HPS5: variants seen among roughly 807,000 people sequenced by gnomAD.
HPS5 encodes BLOC-2 complex member HPS5.
Under a neutral mutation model 128.0 loss-of-function variants are expected in HPS5, and 83 were observed. That is an observed-to-expected ratio of 0.65 (90% CI 0.54 to 0.78). The LOEUF is 0.78. Ranked by LOEUF, HPS5 falls within the 30% of genes least tolerant of loss-of-function variation. The pLI, the probability that HPS5 is intolerant of heterozygous loss-of-function variation, is 0.00. For synonymous variants in HPS5, 475 were observed against 470.2 expected (o/e 1.01, Z -0.13); for missense variants, 1,281 against 1,326.2 (o/e 0.97, Z 0.53).
At chr11:18,310,406 T>A (rs1397946634) in intron 5 of HPS5, among the ~76,000 whole-genome samples, 1 of 152,230 alleles carries the variant, frequency 6.6e-6, no homozygotes, top group African/African-American at 2.4e-5. Context: ...TTTGTCACTT[T>A]ATTCACACCA....
At position 18,285,382 on chromosome 11, in the gene HPS5, G is replaced by C. The variant is rs984969686; in HGVS notation, c.2915C>G (p.Thr972Ser). The C allele has an allele frequency of 1.2e-6, 2 of 1,613,042 alleles. No individual in the cohort carries two copies. The highest frequency in any genetic ancestry group is 1.7e-4 in the Middle Eastern group (1 of 6,056). ...GCAGATGTCTGTCATTTTCTCTTTG[G>C]TTATAAAATCTGCAGGAAGTTTAAT... ...HLIKLPADFI[T>S]KEKMTDICRS... Residue 972 changes from threonine to serine, a missense_variant, in exon 20 of 23, where the codon ACC (threonine) becomes AGC (serine). By Grantham distance (58) the Thr-to-Ser change is moderately conservative (BLOSUM62 1). Coordinates refer to ENST00000349215, the MANE Select transcript of HPS5 (RefSeq NM_181507.2).
At chr11:18,290,211 T>C (rs1285667661) in intron 16 of HPS5, among the ~76,000 whole-genome samples, 2 of 152,226 alleles carry the variant, frequency 1.3e-5, no homozygotes, top group African/African-American at 2.4e-5. Flanking sequence ...CTTGGAATGC[T>C]AGAATGCTGA....
intron 10 of HPS5, among the ~76,000 whole-genome samples, chr11:18,297,993 T>C (rs540469416): frequency 6.7e-6 from 1 of 150,312 alleles, no homozygotes; most frequent in Admixed American, 6.6e-5. Flanking sequence ...GGCAGGAGAA[T>C]CATTTGAACC....
chr11:18,295,006 G>C lies in HPS5; in HGVS notation c.1784+14C>G. On this transcript the variant is annotated intron_variant, in intron 14 of 22. Coordinates refer to ENST00000349215, the MANE Select transcript of HPS5 (RefSeq NM_181507.2). ...TTCCCTAGAATGTATAGAGATTTAT[G>C]TGTAAGGGCTTACTCAGTGTCTTCC... The C allele has an allele frequency of 1.2e-6, 2 of 1,613,756 alleles. No homozygotes were observed. Among genetic ancestry groups the C allele is most frequent in the Non-Finnish European group, 8.5e-7 (1 of 1,179,712 alleles).
chr11:18,313,437 T>C (rs1050833145), intron 2 of HPS5, among the ~76,000 whole-genome samples: 3 of 152,324 alleles, frequency 2.0e-5, no homozygotes, highest in Non-Finnish European at 4.4e-5. Flanking sequence ...ATCAATAGTT[T>C]TTGTTATTTT....
intron 2 of HPS5, chr11:18,314,666 T>C (rs1863407335): frequency 6.6e-6 from 1 of 152,190 alleles, no homozygotes. Context: ...ACTGTCTGCT[T>C]ATATTATTTT....
At position 18,295,756 on chromosome 11, in the gene HPS5, T is replaced by A. The variant is rs548829477; in HGVS notation, c.1634+243A>T. On this transcript the variant is annotated intron_variant, in intron 13 of 22. Coordinates refer to ENST00000349215, the MANE Select transcript of HPS5 (RefSeq NM_181507.2). ...GGAAACTATTACCATCAGAGATTTT[T>A]AATTTTTGATCTCTTGAGGGTGGGG... Among the ~76,000 whole-genome samples, 7 of 152,336 alleles carry A rather than the reference T, an allele frequency of 4.6e-5. 1 individual carries two copies. In the South Asian group the frequency reaches 1.4e-3, roughly 32 times the overall value.
chr11:18,288,113 T>C (rs1859968712), intron 16 of HPS5, 100 bp from the exon 17 acceptor site: 2 of 1,271,598 alleles, frequency 1.6e-6, no homozygotes, highest in East Asian at 4.6e-5. Context: ...ACGTACCTAC[T>C]GTGTGGACCT....
Position 18,300,876 on chromosome 11 carries a change from T to C in HPS5, c.937A>G (p.Ile313Val), listed in dbSNP as rs770754760. The C allele has an allele frequency of 1.2e-6, 2 of 1,601,780 alleles. No homozygotes were observed. The highest frequency in any genetic ancestry group is 1.1e-5 in the South Asian group (1 of 90,746). ...ACTTGAACATTCTGAGGAATGAAAA[T>C]ATAAATTCCTCTTTCTGTCCAAGTC... ...VLTWTERGIY[I>V]FIPQNVQVLL... is the part of the protein sequence containing the mutation. The change falls in exon 9 of 23, where the codon ATT (isoleucine) becomes GTT (valine). Residue 313 changes from isoleucine (I) to valine (V), a missense_variant. By Grantham distance (29) the Ile-to-Val change is conservative. Transcript: ENST00000349215.
Position 18,296,733 on chromosome 11 carries a change from G to C in HPS5, c.1510+65C>G, listed in dbSNP as rs759026366. The C allele has an allele frequency of 2.1e-6, 3 of 1,398,704 alleles. No individual in the cohort carries two copies. In the African/African-American group the frequency reaches 4.2e-5, roughly 20 times the overall value. 86.6% of individuals were successfully genotyped at this position (1,398,704 alleles called of 1,614,324 possible). A position where few individuals can be genotyped will look rare whatever the true frequency, so the allele number is the denominator to read the frequency against. ...GAAATTCCGTGCACAAGATAATCCT[G>C]GTAACAGGAGCTCGTGGAAAATAAT... On this transcript the variant is annotated intron_variant, in intron 12 of 22. Coordinates refer to ENST00000349215, the MANE Select transcript of HPS5 (RefSeq NM_181507.2).
At chr11:18,283,967 C>T (rs1046302689) in intron 20 of HPS5, 66 bp from the exon 21 acceptor site, 1 of 1,032,806 alleles carries the variant, frequency 9.7e-7, no homozygotes, top group Non-Finnish European at 1.5e-6. Flanking sequence ...CTGTGCTGCC[C>T]AAAACAGTAG....
At chr11:18,299,336 G>A (rs544446763) in intron 9 of HPS5, among the ~76,000 whole-genome samples, 1 of 152,296 alleles carries the variant, frequency 6.6e-6, no homozygotes, top group Non-Finnish European at 1.5e-5. Flanking sequence ...AACATAGTAT[G>A]TAAATCAATA....
At chr11:18,291,405 C>T (rs1207297200) in intron 16 of HPS5, 37 bp downstream of exon 16, 3 of 1,364,126 alleles carry the variant, frequency 2.2e-6, no homozygotes, top group Admixed American at 1.8e-5. Flanking sequence ...TTTTTTAATA[C>T]GAATTTCTAT....
chr11:18,282,334 C>T, intron 21 of HPS5, 114 bp from the exon 22 acceptor site: 2 of 1,183,210 alleles, frequency 1.7e-6, no homozygotes, highest in Non-Finnish European at 2.5e-6. Flanking sequence ...TATTCAAGAA[C>T]ACAATCTCAT....
In HPS5 at chr11:18,279,606, A is replaced by C. The variant is rs146958457; in HGVS notation, c.*276T>G. On this transcript the variant is annotated 3_prime_UTR_variant, in exon 23 of 23. Transcript: ENST00000349215. ...TAGTTCGGAATAATACTAGGACATTAACATTCTAATTCCAGCAAACAAGGA... is the reference window on the plus strand; with the variant it reads ...TAGTTCGGAATAATACTAGGACATTCACATTCTAATTCCAGCAAACAAGGA... 1.0e-4 allele frequency: 51 copies of C among 493,596 alleles called. No individual in the cohort carries two copies. In the East Asian group the frequency reaches 1.9e-3, roughly 19 times the overall value. 30.6% of individuals were successfully genotyped at this position (493,596 alleles called of 1,614,324 possible). A position where few individuals can be genotyped will look rare whatever the true frequency, so the allele number is the denominator to read the frequency against.
chr11:18,281,792 A>G (rs957190356), intron 22 of HPS5, 158 bp downstream of exon 22: 6 of 832,264 alleles, frequency 7.2e-6, no homozygotes, highest in Non-Finnish European at 1.2e-5. Flanking sequence ...TGTGAATGAA[A>G]TATTACTTTA....
intron 14 of HPS5, among the ~76,000 whole-genome samples, chr11:18,294,167 A>C (rs1564944665): frequency 6.6e-6 from 1 of 152,238 alleles, no homozygotes. Context: ...CACAAGGACC[A>C]GGCCACCAGC....
chr11:18,291,888 G>C lies in HPS5; in HGVS notation c.1994C>G (p.Ser665Ter). Residue 665 changes from serine to a stop codon, truncating the protein, a stop_gained, in exon 16 of 23, where the codon TCA (serine) becomes TGA (stop). Transcript: ENST00000349215. LOFTEE classifies it high-confidence loss of function. ...DFSGVSDTDN[S>*]SMKLNQDVLL... ...CACATCCTGGTTCAATTTCATGGAT[G>C]AGTTGTCAGTATCTGAAACACCTGA... 1.2e-6 allele frequency: 2 copies of C among 1,606,760 alleles called. No individual in the cohort carries two copies. Among genetic ancestry groups the C allele is most frequent in the Non-Finnish European group, 8.5e-7 (1 of 1,176,410 alleles).
At chr11:18,296,539 T>C in intron 12 of HPS5, 1 of 601,678 alleles carries the variant, frequency 1.7e-6, no homozygotes. Flanking sequence ...TGACCTTTCT[T>C]TCATAACCTT....
Sources: allele counts gnomAD v4.1 joint callset (sites outside exome capture counted in the v4.1 genomes callset), GRCh38; gene constraint gnomAD v4.1.1; transcripts MANE v1.5; gene names NCBI Gene and HGNC (gene_info 2026-07-23, HGNC 2026-07-21).